THSD4: variants seen among roughly 807,000 people sequenced by gnomAD.
The protein encoded by THSD4 is thrombospondin type 1 domain containing 4, also known as thrombospondin type-1 domain-containing protein 4.
Under a neutral mutation model 119.0 loss-of-function variants are expected in THSD4, and 69 were observed. The ratio of observed to expected loss-of-function variants is 0.58; its 90% CI spans 0.48 to 0.71. The LOEUF (loss-of-function observed/expected upper bound fraction) is 0.71, where lower values mean the gene tolerates loss of function less well. Ranked by LOEUF, THSD4 falls within the 30% of genes least tolerant of loss-of-function variation. THSD4 has a pLI of 0.00. For missense variants in THSD4, 1,393 were observed against 1,391.1 expected (o/e 1.00, Z -0.02); for synonymous variants, 524 against 540.4 (o/e 0.97, Z 0.42).
intron 6 of THSD4, among the ~76,000 whole-genome samples, chr15:71,320,587 A>G (rs1387129868): frequency 6.6e-6 from 1 of 152,206 alleles, no homozygotes; most frequent in East Asian, 1.9e-4. Context: ...GATAACACAT[A>G]GAAAAAAAGA....
chr15:71,366,876 A>C (rs1231663166), intron 6 of THSD4, among the ~76,000 whole-genome samples: 1 of 152,026 alleles, frequency 6.6e-6, no homozygotes, highest in Non-Finnish European at 1.5e-5. Flanking sequence ...CGAACCCTCT[A>C]ATGGTCTCAG....
chr15:71,744,998 G>C, intron 11 of THSD4, 108 bp from the exon 12 acceptor site: 1 of 1,432,768 alleles, frequency 7.0e-7, no homozygotes, highest in Non-Finnish European at 9.4e-7. Context: ...TGTCCTCACT[G>C]TTTCTGTGCC....
chr15:71,578,883 G>A (rs1191309451), intron 7 of THSD4, among the ~76,000 whole-genome samples: 20 of 135,242 alleles, frequency 1.5e-4, no homozygotes, highest in Non-Finnish European at 2.3e-4. Context: ...TTGCTGTGTC[G>A]CCCAGGCTGG....
chr15:71,562,157 C>CG (rs2049133215), intron 7 of THSD4, among the ~76,000 whole-genome samples: 3 of 152,112 alleles, frequency 2.0e-5, no homozygotes, highest in Admixed American at 2.0e-4. Context: ...CTTCACACAC[C>CG]CAGTTGTGGC....
chr15:71,630,709 C>G (rs951756671), intron 7 of THSD4, among the ~76,000 whole-genome samples: 1 of 152,198 alleles, frequency 6.6e-6, no homozygotes, highest in Non-Finnish European at 1.5e-5. Context: ...CCAGGAGGGT[C>G]TCTCCCAGCT....
chr15:71,521,625 G>C (rs1291835757), intron 7 of THSD4, among the ~76,000 whole-genome samples: 1 of 152,156 alleles, frequency 6.6e-6, no homozygotes, highest in East Asian at 1.9e-4. Flanking sequence ...AAATGGCCGT[G>C]AGTAAGAAGA....
At chr15:71,161,852 G>A (rs2043252829) in intron 3 of THSD4, among the ~76,000 whole-genome samples, 3 of 151,560 alleles carry the variant, frequency 2.0e-5, no homozygotes, top group African/African-American at 7.3e-5. Context: ...TGGTTTAGTG[G>A]TTTTCTGTGG....
At chr15:71,619,990 C>T (rs147412169) in intron 7 of THSD4, among the ~76,000 whole-genome samples, 1 of 152,290 alleles carries the variant, frequency 6.6e-6, no homozygotes, top group Non-Finnish European at 1.5e-5. Context: ...TTTAGAAATT[C>T]AGGTGTAGTC....
At chr15:71,700,387 A>AT (rs2052260863) in intron 8 of THSD4, among the ~76,000 whole-genome samples, 1 of 152,162 alleles carries the variant, frequency 6.6e-6, no homozygotes, top group African/African-American at 2.4e-5. Context: ...TAAATGTACA[A>AT]GAACCATAGG....
chr15:71,715,925 A>C (rs75851662), intron 8 of THSD4, among the ~76,000 whole-genome samples: 3 of 152,162 alleles, frequency 2.0e-5, no homozygotes, highest in Non-Finnish European at 2.9e-5. Context: ...CATGAATTAG[A>C]TAATAGGGAT....
chr15:71,667,419 A>C (rs2141007601), intron 8 of THSD4, among the ~76,000 whole-genome samples: 1 of 152,362 alleles, frequency 6.6e-6, no homozygotes, highest in East Asian at 1.9e-4. Flanking sequence ...CAGACATAAA[A>C]GCATACCAAG....
chr15:71,502,372 G>A (rs2140732238), intron 7 of THSD4, among the ~76,000 whole-genome samples: 1 of 152,308 alleles, frequency 6.6e-6, no homozygotes, highest in South Asian at 2.1e-4. Context: ...GGAAGTGAAT[G>A]AAAATAATGG....
intron 7 of THSD4, among the ~76,000 whole-genome samples, chr15:71,503,917 C>G (rs374836571): frequency 5.3e-5 from 8 of 152,340 alleles, no homozygotes; most frequent in African/African-American, 1.9e-4. Flanking sequence ...GAATCTTTGT[C>G]TGTGCTGTAA....
In THSD4 at chr15:71,484,637, G is replaced by A. The variant is rs149976026; in HGVS notation, c.1152+72814G>A. On this transcript the variant is annotated intron_variant, in intron 7 of 17. Coordinates refer to ENST00000261862, the MANE Select transcript of THSD4 (RefSeq NM_024817.3). ...TTTGAACTTGGGAAGGTTCAAAGTC[G>A]GGGGCTGAACTCTGAAAAGTCAAAA... Among the ~76,000 whole-genome samples, 643 of 152,258 alleles carry A rather than the reference G, an allele frequency of 4.2e-3. 3 individuals are homozygous for A. The highest frequency in any genetic ancestry group is 7.0e-3 in the Non-Finnish European group (476 of 68,024).
In THSD4 at chr15:71,210,765, A is replaced by G. The variant is rs572683799; in HGVS notation, c.100-4270A>G. On this transcript the variant is annotated intron_variant, in intron 3 of 17. Coordinates refer to ENST00000261862, the MANE Select transcript of THSD4 (RefSeq NM_024817.3). Reference sequence around the variant, plus strand: ...TGTTTTTTCACTAATTAATATAGTGAAAAAATATATGGAGAGCTGTTCCTT... The same window carrying G: ...TGTTTTTTCACTAATTAATATAGTGGAAAAATATATGGAGAGCTGTTCCTT... Among the ~76,000 whole-genome samples the G allele has an allele frequency of 9.3e-4, 141 of 152,222 alleles. 5 individuals carry two copies. In the South Asian group the frequency reaches 0.028, roughly 30 times the overall value.
chr15:71,626,679 C>T (rs1049055221), intron 7 of THSD4, among the ~76,000 whole-genome samples: 6 of 152,174 alleles, frequency 3.9e-5, no homozygotes, highest in African/African-American at 7.2e-5. Flanking sequence ...ACTATCCTTA[C>T]CTTCTGTGAT....
upstream of THSD4, among the ~76,000 whole-genome samples, chr15:71,113,935 A>T (rs964751788): frequency 7.9e-5 from 12 of 151,416 alleles, no homozygotes; most frequent in South Asian, 4.2e-4. Flanking sequence ...TTTTTTTTTT[A>T]AATCAGTTCT....
chr15:71,098,475 G>A (rs1485891745), intron 1 of THSD4, among the ~76,000 whole-genome samples: 2 of 152,014 alleles, frequency 1.3e-5, no homozygotes, highest in African/African-American at 4.8e-5. Context: ...TATTGTCCAG[G>A]CTGGTCTTAA....
Position 71,771,139 on chromosome 15 carries a change from C to T in THSD4, c.2845C>T (p.Leu949Phe), listed in dbSNP as rs2053815893. 1.2e-6 allele frequency: 2 copies of T among 1,614,158 alleles called. No individual in the cohort carries two copies. The highest frequency in any genetic ancestry group is 8.5e-7 in the Non-Finnish European group (1 of 1,180,044). The change falls in exon 17 of 18, where the codon CTC becomes TTC. Residue 949 changes from leucine (L) to phenylalanine (F), a missense_variant. Physicochemically the swap from Leu to Phe is conservative, Grantham distance 22. Coordinates refer to ENST00000261862, the MANE Select transcript of THSD4 (RefSeq NM_024817.3). ...GTCTGATGACATGACTCTAAGTAAC[C>T]TCTGTGACCCTCAGTTGAAACCAGA... ...CLSDDMTLSN[L>F]CDPQLKPEER...
Sources: allele counts gnomAD v4.1 joint callset (sites outside exome capture counted in the v4.1 genomes callset), GRCh38; gene constraint gnomAD v4.1.1; transcripts MANE v1.5; gene names NCBI Gene and HGNC (gene_info 2026-07-23, HGNC 2026-07-21).